BBOX1: variants seen among roughly 807,000 people sequenced by gnomAD.
BBOX1 encodes gamma-butyrobetaine hydroxylase 1, also known as gamma-butyrobetaine dioxygenase.
Under a neutral mutation model 41.6 loss-of-function variants are expected in BBOX1, and 35 were observed. That is an observed-to-expected ratio of 0.84 (90% CI 0.64 to 1.11). The LOEUF is 1.11. Among genes scored for constraint, BBOX1 ranks in the 50% most tolerant of loss-of-function variants. The pLI is 0.00. For synonymous variants in BBOX1, 163 were observed against 154.7 expected (o/e 1.05, Z -0.40); for missense variants, 458 against 460.6 (o/e 0.99, Z 0.05).
chr11:27,054,205 C>CTGTGTGTGTGTGTGTGTG (rs57324926), intron 2 of BBOX1, among the ~76,000 whole-genome samples: 5 of 139,486 alleles, frequency 3.6e-5, no homozygotes, highest in South Asian at 5.2e-4. Flanking sequence ...GTGTGTGTGT[C>CTGTGTGTGTGTGTGTGTG]TGTGTGTGTG....
intron 4 of BBOX1, among the ~76,000 whole-genome samples, chr11:27,083,336 T>C (rs140097628): frequency 2.6e-5 from 4 of 152,262 alleles, no homozygotes; most frequent in Non-Finnish European, 5.9e-5. Context: ...ATGATCCTCA[T>C]AGGTCATGAA....
At chr11:27,116,486 A>T (rs1320890967) in intron 6 of BBOX1, among the ~76,000 whole-genome samples, 1 of 151,554 alleles carries the variant, frequency 6.6e-6, no homozygotes, top group Non-Finnish European at 1.5e-5. Context: ...AAAAAAAAAT[A>T]ATAACTCACT....
intron 7 of BBOX1, among the ~76,000 whole-genome samples, chr11:27,123,348 T>C (rs911124858): frequency 6.6e-6 from 1 of 152,086 alleles, no homozygotes; most frequent in African/African-American, 2.4e-5. Context: ...ATTTCACTGA[T>C]ACATGAGGAT....
chr11:27,043,957 G>A (rs142686124), intron 2 of BBOX1, among the ~76,000 whole-genome samples: 181 of 152,158 alleles, frequency 1.2e-3, no homozygotes, highest in African/African-American at 4.1e-3. Flanking sequence ...GGGTGTATAC[G>A]CAGTAATGGG....
intron 4 of BBOX1, among the ~76,000 whole-genome samples, chr11:27,062,827 C>T (rs1857170354): frequency 6.6e-6 from 1 of 152,192 alleles, no homozygotes; most frequent in South Asian, 2.1e-4. Flanking sequence ...TCCCAAAGTG[C>T]TGGGATTGCA....
chr11:27,087,094 G>T (rs1036259769), intron 4 of BBOX1, among the ~76,000 whole-genome samples: 1 of 152,094 alleles, frequency 6.6e-6, no homozygotes, highest in African/African-American at 2.4e-5. Flanking sequence ...TGGTGAAGAT[G>T]ATGTGGACAT....
At chr11:27,044,147 G>A (rs1426672188) in intron 2 of BBOX1, among the ~76,000 whole-genome samples, 1 of 152,210 alleles carries the variant, frequency 6.6e-6, no homozygotes, top group Non-Finnish European at 1.5e-5. Context: ...TAACTGACAT[G>A]AGATGGTATC....
chr11:27,115,922 A>C (rs980653305), intron 6 of BBOX1, among the ~76,000 whole-genome samples: 1 of 151,910 alleles, frequency 6.6e-6, no homozygotes, highest in South Asian at 2.1e-4. Context: ...GAAATCAGTA[A>C]ACAAAATGTA....
intron 4 of BBOX1, among the ~76,000 whole-genome samples, chr11:27,091,553 G>A (rs1858244301): frequency 6.6e-6 from 1 of 151,892 alleles, no homozygotes; most frequent in South Asian, 2.1e-4. Flanking sequence ...CATGGCCCAT[G>A]TGCTGACCTG....
chr11:27,083,833 G>A (rs1229731067), intron 4 of BBOX1, among the ~76,000 whole-genome samples: 1 of 152,114 alleles, frequency 6.6e-6, no homozygotes, highest in African/African-American at 2.4e-5. Context: ...TGTGTTGTAT[G>A]AGTGAAAGAT....
intron 5 of BBOX1, among the ~76,000 whole-genome samples, chr11:27,108,145 G>A (rs2134078148): frequency 6.6e-6 from 1 of 152,126 alleles, no homozygotes; most frequent in East Asian, 1.9e-4. Flanking sequence ...TAGCTCAGAG[G>A]GCCAGAGAAC....
chr11:27,088,842 T>C (rs913020090), intron 4 of BBOX1, among the ~76,000 whole-genome samples: 11 of 151,988 alleles, frequency 7.2e-5, no homozygotes, highest in African/African-American at 2.4e-4. Context: ...AAAACATCTG[T>C]TACATATATT....
Position 27,040,869 on chromosome 11 carries a change from C to G in BBOX1, c.-461C>G, listed in dbSNP as rs988626136. On this transcript the variant is annotated 5_prime_UTR_variant, in exon 1 of 9. Transcript: ENST00000263182. ...ACCACTTCACCTCTGCTAGGGTGAG[C>G]GCTGGTAGCTCCTCCCTGTTAAATG... 1 of 152,206 alleles carries G rather than the reference C, an allele frequency of 6.6e-6. No individual in the cohort carries two copies. Among genetic ancestry groups the G allele is most frequent in the Non-Finnish European group, 1.5e-5 (1 of 68,066 alleles). 9.4% of individuals were successfully genotyped at this position (152,206 alleles called of 1,614,324 possible).
intron 4 of BBOX1, among the ~76,000 whole-genome samples, chr11:27,075,006 G>A (rs947290446): frequency 5.3e-5 from 8 of 152,212 alleles, no homozygotes; most frequent in African/African-American, 1.7e-4. Flanking sequence ...CGGAGGACGT[G>A]GCTAATGTGG....
In BBOX1 at chr11:27,057,156, G is replaced by A. The variant is rs567308065; in HGVS notation, c.220-45G>A. On this transcript the variant is annotated intron_variant, in intron 3 of 8. Transcript: ENST00000263182. ...CAAAAACAGAGCAATAGTGGAGAAC[G>A]GAAATAAAATCCACATAGGTGAAAT... 111 of 1,331,682 alleles carry A rather than the reference G, an allele frequency of 8.3e-5. 1 individual carries two copies. In the South Asian group the frequency reaches 8.6e-4, roughly 10 times the overall value. The allele number at this position is 1,331,682 out of a possible 1,614,324, so 82.5% of individuals were successfully genotyped here.
In BBOX1 at chr11:27,127,413, G is replaced by C. The variant is rs1371770685; in HGVS notation, c.1124G>C (p.Arg375Thr). The C allele has an allele frequency of 6.2e-7, 1 of 1,613,436 alleles. No individual in the cohort carries two copies. Among genetic ancestry groups the C allele is most frequent in the African/African-American group, 1.3e-5 (1 of 74,894 alleles). ...GCTGACTGGGATGTGGTCATGTCAAGGCTTCGTATCTTAAGGCAGAGGGTG... is the reference window on the plus strand; with the variant it reads ...GCTGACTGGGATGTGGTCATGTCAACGCTTCGTATCTTAAGGCAGAGGGTG... ...AYADWDVVMS[R>T]LRILRQRVEN... Residue 375 changes from arginine (R) to threonine (T), a missense_variant, in exon 9 of 9, where the codon AGG becomes ACG. By Grantham distance (71) the Arg-to-Thr change is moderately conservative. Coordinates refer to ENST00000263182, the MANE Select transcript of BBOX1 (RefSeq NM_003986.3).
intron 2 of BBOX1, among the ~76,000 whole-genome samples, chr11:27,044,902 G>C (rs556467131): frequency 1.1e-4 from 16 of 152,144 alleles, no homozygotes; most frequent in African/African-American, 3.9e-4. Flanking sequence ...GGATTGTCTT[G>C]GCTATGTGGG....
chr11:27,098,996 A>G (rs1858545945), intron 5 of BBOX1, among the ~76,000 whole-genome samples: 1 of 151,862 alleles, frequency 6.6e-6, no homozygotes, highest in African/African-American at 2.4e-5. Flanking sequence ...TTAACTCAGC[A>G]CCTGACACAC....
chr11:27,120,510 G>A (rs1379942240), intron 7 of BBOX1, among the ~76,000 whole-genome samples: 2 of 152,052 alleles, frequency 1.3e-5, no homozygotes, highest in African/African-American at 4.8e-5. Context: ...GAAACAGGGA[G>A]GCTCCCCAAA....
Sources: gnomAD v4.1 joint callset for allele counts (sites outside exome capture counted in the v4.1 genomes callset) on GRCh38, gnomAD v4.1.1 for gene constraint, MANE v1.5 for transcripts, NCBI Gene and HGNC (gene_info 2026-07-23, HGNC 2026-07-21) for gene names.